Variants in NKAIN3 observed in about 807,000 individuals in gnomAD.
NKAIN3 encodes sodium/potassium transporting ATPase interacting 3.
NKAIN3 carries 25 observed loss-of-function variants against 30.2 expected under a neutral mutation model. The observed-to-expected ratio is 0.83, with a 90% CI of 0.60 to 1.16. NKAIN3 has a LOEUF of 1.16. NKAIN3 is among the 50% of genes most tolerant of loss of function. The pLI, the probability that NKAIN3 is intolerant of heterozygous loss-of-function variation, is 0.00. For synonymous variants in NKAIN3, 91 were observed against 89.6 expected, an observed-to-expected ratio of 1.02 and a Z score of -0.09; for missense variants, 225 against 254.1, an observed-to-expected ratio of 0.89 and a Z score of 0.78.
chr8:62,947,888 C>T (rs1405306528), intron 5 of NKAIN3, among the ~76,000 whole-genome samples: 1 of 152,214 alleles, frequency 6.6e-6, no homozygotes, highest in Non-Finnish European at 1.5e-5. Context: ...CCCCAGCTAA[C>T]ATTGCATGGA....
chr8:62,896,917 A>G (rs1246817356), intron 4 of NKAIN3, among the ~76,000 whole-genome samples: 1 of 152,198 alleles, frequency 6.6e-6, no homozygotes, highest in African/African-American at 2.4e-5. Context: ...CAAGGAATGA[A>G]AAACAGAGGA....
intron 1 of NKAIN3, among the ~76,000 whole-genome samples, chr8:62,266,479 T>A (rs1812604137): frequency 6.6e-6 from 1 of 152,196 alleles, no homozygotes; most frequent in Admixed American, 6.5e-5. Flanking sequence ...TTTAAATAGA[T>A]ATTATCAAAA....
intron 3 of NKAIN3, among the ~76,000 whole-genome samples, chr8:62,705,962 A>G (rs1447173798): frequency 2.0e-5 from 3 of 152,178 alleles, no homozygotes; most frequent in African/African-American, 7.2e-5. Context: ...CCTGTAAGTA[A>G]GGGATTTAAA....
At chr8:62,415,156 T>C (rs1022036471) in intron 1 of NKAIN3, among the ~76,000 whole-genome samples, 20 of 142,100 alleles carry the variant, frequency 1.4e-4, no homozygotes, top group African/African-American at 5.2e-4. Context: ...TTATATACTA[T>C]AGTATATTAT....
At chr8:62,527,623 A>T (rs768569096) in intron 1 of NKAIN3, among the ~76,000 whole-genome samples, 8 of 152,172 alleles carry the variant, frequency 5.3e-5, no homozygotes, top group Non-Finnish European at 8.8e-5. Context: ...TTTGAAATAT[A>T]AAGAATGTTT....
At chr8:62,552,422 A>G (rs1585937412) in intron 1 of NKAIN3, among the ~76,000 whole-genome samples, 1 of 152,196 alleles carries the variant, frequency 6.6e-6, no homozygotes, top group Non-Finnish European at 1.5e-5. Context: ...TAGTTAAACC[A>G]TAAAGAGAAA....
chr8:62,393,919 T>C (rs925982788), intron 1 of NKAIN3, among the ~76,000 whole-genome samples: 3 of 152,136 alleles, frequency 2.0e-5, no homozygotes, highest in Non-Finnish European at 2.9e-5. Flanking sequence ...TAAAATAAAA[T>C]TGATTTTTGC....
intron 1 of NKAIN3, among the ~76,000 whole-genome samples, chr8:62,333,378 C>T (rs571621520): frequency 2.6e-4 from 40 of 152,142 alleles, no homozygotes; most frequent in Non-Finnish European, 5.0e-4. Context: ...CATGTCCCAT[C>T]GGCCAAATGA....
rs182123749 is a variant in NKAIN3 at position 62,974,565 on chromosome 8, A to C, written c.*9158A>C. ...ATCTCTTTAAGGAGTTTTGGGGTTG[A>C]GACAATGGGGTTTTCTAAATGTACA... On this transcript the variant is annotated 3_prime_UTR_variant, in exon 7 of 7. Transcript: ENST00000623646. Among the ~76,000 whole-genome samples the C allele has an allele frequency of 7.4e-4, 112 of 152,290 alleles. 1 individual carries two copies. Among genetic ancestry groups the C allele is most frequent in the African/African-American group, 2.6e-3 (109 of 41,556 alleles).
intron 4 of NKAIN3, among the ~76,000 whole-genome samples, chr8:62,772,833 G>A (rs1433480124): frequency 1.3e-5 from 2 of 151,902 alleles, no homozygotes; most frequent in Admixed American, 6.6e-5. Flanking sequence ...ACTAATTTTT[G>A]TATTTTTAGT....
intron 4 of NKAIN3, among the ~76,000 whole-genome samples, chr8:62,793,013 T>G (rs1817750525): frequency 1.3e-5 from 2 of 152,086 alleles, no homozygotes; most frequent in African/African-American, 4.8e-5. Context: ...AGATAATCCT[T>G]TATGTTGGTC....
intron 1 of NKAIN3, among the ~76,000 whole-genome samples, chr8:62,372,216 G>GA (rs141145879): frequency 0.14 from 20,936 of 151,112 alleles, 1,732 homozygotes; most frequent in East Asian, 0.4. Context: ...CTTAAAAAAA[G>GA]AAAAAAAATG....
At chr8:62,653,453 G>A (rs192780666) in intron 3 of NKAIN3, among the ~76,000 whole-genome samples, 1 of 152,260 alleles carries the variant, frequency 6.6e-6, no homozygotes, top group African/African-American at 2.4e-5. Flanking sequence ...GGAGTTTTGG[G>A]GGAGCAGAAG....
intron 3 of NKAIN3, among the ~76,000 whole-genome samples, chr8:62,608,896 A>T (rs184740301): frequency 6.6e-6 from 1 of 152,312 alleles, no homozygotes; most frequent in East Asian, 1.9e-4. Context: ...ATTTAGAAAT[A>T]GCTATGCTAT....
At chr8:62,683,771 C>T (rs1382921307) in intron 3 of NKAIN3, among the ~76,000 whole-genome samples, 2 of 152,154 alleles carry the variant, frequency 1.3e-5, no homozygotes, top group Non-Finnish European at 2.9e-5. Flanking sequence ...TGGTCTGGCT[C>T]TCACAAGCTT....
Position 62,462,961 on chromosome 8 carries a change from C to A in NKAIN3, c.55-116578C>A, listed in dbSNP as rs542434920. ...TCTGTTACTGAATGCCCAAAACATT[C>A]CAGTCATTCCCATAAAGACTGCTTT... On this transcript the variant is annotated intron_variant, in intron 1 of 6. Coordinates refer to ENST00000623646, the MANE Select transcript of NKAIN3 (RefSeq NM_001304533.3). Among the ~76,000 whole-genome samples the A allele has an allele frequency of 4.5e-4, 68 of 152,276 alleles. No homozygotes were observed. The South Asian group carries it at 0.013, about 30-fold the overall frequency.
At chr8:62,837,988 A>G (rs1446623206) in intron 4 of NKAIN3, among the ~76,000 whole-genome samples, 1 of 152,054 alleles carries the variant, frequency 6.6e-6, no homozygotes, top group Non-Finnish European at 1.5e-5. Context: ...GCTGATAAGA[A>G]TGATAAAAGT....
At chr8:62,334,400 C>G (rs1158933835) in intron 1 of NKAIN3, among the ~76,000 whole-genome samples, 1 of 152,012 alleles carries the variant, frequency 6.6e-6, no homozygotes, top group East Asian at 1.9e-4. Flanking sequence ...CTTTACATGG[C>G]CTTTACCTGG....
At chr8:62,488,627 TA>T (rs1331495563) in intron 1 of NKAIN3, among the ~76,000 whole-genome samples, 2 of 152,204 alleles carry the variant, frequency 1.3e-5, no homozygotes, top group African/African-American at 4.8e-5. Context: ...TTTCAGTCCA[TA>T]AAAGACTTGT....
Sources: allele counts gnomAD v4.1 joint callset (sites outside exome capture counted in the v4.1 genomes callset), GRCh38; gene constraint gnomAD v4.1.1; transcripts MANE v1.5; gene names NCBI Gene and HGNC (gene_info 2026-07-23, HGNC 2026-07-21).